Variants in MICU3 observed in about 807,000 individuals in gnomAD.
MICU3 encodes the protein mitochondrial calcium uptake 3.
A neutral mutation model predicts 66.5 loss-of-function variants in MICU3; 62 were observed. That is an observed-to-expected ratio of 0.93 (90% CI 0.76 to 1.15). MICU3 has a LOEUF of 1.15. MICU3 is among the 50% of genes most tolerant of loss of function. The probability of loss-of-function intolerance (pLI) is 0.00; values close to 1 mark genes in which losing one functional copy is unlikely to be tolerated. For missense variants in MICU3, 779 were observed against 664.4 expected (o/e 1.17, Z -1.90); for synonymous variants, 308 against 240.7 (o/e 1.28, Z -2.59).
chr8:17,105,411 A>C lies in MICU3; in HGVS notation c.1086-2A>C. On this transcript the variant is annotated splice_acceptor_variant, in intron 10 of 14. Transcript: ENST00000318063. LOFTEE classifies it high-confidence loss of function. ...TCCTTCTTTATTACATTTTTGTCAT[A>C]GATTCATGGATAATCTCCAAACAGA... 6.6e-7 allele frequency: 1 copy of C among 1,510,054 alleles called. No individual in the cohort carries two copies. Among genetic ancestry groups the C allele is most frequent in the Non-Finnish European group, 9.0e-7 (1 of 1,115,486 alleles). The allele number at this position is 1,510,054 out of a possible 1,614,324, so 93.5% of individuals were successfully genotyped here.
chr8:17,083,517 C>T (rs1821503225), intron 5 of MICU3, among the ~76,000 whole-genome samples: 1 of 152,048 alleles, frequency 6.6e-6, no homozygotes, highest in Non-Finnish European at 1.5e-5. Context: ...TTAGTTTGGC[C>T]TAACTAAACA....
the MICU3 span, among the ~76,000 whole-genome samples, chr8:17,129,865 T>A: frequency 6.6e-6 from 1 of 152,186 alleles, no homozygotes; most frequent in African/African-American, 2.4e-5. Context: ...AACAAAAATT[T>A]TTTTTCAGAG....
At chr8:17,071,860 A>G (rs1819631912) in intron 3 of MICU3, among the ~76,000 whole-genome samples, 2 of 152,164 alleles carry the variant, frequency 1.3e-5, no homozygotes, top group African/African-American at 2.4e-5. Flanking sequence ...AATGCCTAAC[A>G]GAAGATGTAC....
In MICU3 at chr8:17,122,195, A is replaced by T. The variant is rs981786875; in HGVS notation, c.*1908A>T. ...ATGAAAACATTTGTAAGGCTGCAACATAATATTAAAATGTGAATAAATAAA... is the reference window on the plus strand; with the variant it reads ...ATGAAAACATTTGTAAGGCTGCAACTTAATATTAAAATGTGAATAAATAAA... On this transcript the variant is annotated 3_prime_UTR_variant, in exon 15 of 15. Transcript: ENST00000318063. 6.6e-6 allele frequency: 1 copy of T among 151,890 alleles called. No homozygotes were observed. The highest frequency in any genetic ancestry group is 2.4e-5 in the African/African-American group (1 of 41,450). The allele number at this position is 151,890 out of a possible 1,614,324, so 9.4% of individuals were successfully genotyped here.
At chr8:17,031,280 A>ATTG (rs1812011607) in intron 1 of MICU3, among the ~76,000 whole-genome samples, 1 of 147,238 alleles carries the variant, frequency 6.8e-6, no homozygotes, top group Admixed American at 6.8e-5. Flanking sequence ...TATTATTATT[A>ATTG]TTATTATTAT....
At position 17,104,267 on chromosome 8, in the gene MICU3, A is replaced by G. The variant is rs1801532185; in HGVS notation, c.985-124A>G. The G allele has an allele frequency of 7.2e-6, 3 of 417,888 alleles. No homozygotes were observed. The Admixed American group carries it at 1.3e-4, about 18-fold the overall frequency. 25.9% of individuals were successfully genotyped at this position (417,888 alleles called of 1,614,324 possible). A position where few individuals can be genotyped will look rare whatever the true frequency, so the allele number is the denominator to read the frequency against. The stretch of plus-strand genomic sequence containing the variant: ...TTAATATGCCTGTGTTTTTCATTCT[A>G]ATATTAATATATTTACATTCTTGAT... On this transcript the variant is annotated intron_variant, in intron 9 of 14. Coordinates refer to ENST00000318063, the MANE Select transcript of MICU3 (RefSeq NM_181723.3).
At chr8:17,112,855 G>GT (rs544785616) in intron 11 of MICU3, among the ~76,000 whole-genome samples, 1 of 152,136 alleles carries the variant, frequency 6.6e-6, no homozygotes, top group African/African-American at 2.4e-5. Flanking sequence ...GCAGTGACTA[G>GT]TTTTTTTGGC....
At chr8:17,116,411 G>A in intron 12 of MICU3, 32 bp from the exon 13 acceptor site, 1 of 1,321,222 alleles carries the variant, frequency 7.6e-7, no homozygotes, top group Non-Finnish European at 1.0e-6. Flanking sequence ...AATAATAACA[G>A]TCTATTCTTT....
chr8:17,034,763 A>G (rs988893615), intron 1 of MICU3, among the ~76,000 whole-genome samples: 4 of 152,270 alleles, frequency 2.6e-5, no homozygotes, highest in African/African-American at 7.2e-5. Flanking sequence ...TAAAACTTTA[A>G]CAGACGAGGA....
At chr8:17,079,211 C>G (rs1820819394) in intron 4 of MICU3, among the ~76,000 whole-genome samples, 1 of 123,240 alleles carries the variant, frequency 8.1e-6, no homozygotes, top group East Asian at 2.4e-4. Flanking sequence ...TACTCTGTTT[C>G]TATGCTGTCT....
At chr8:17,110,101 T>C (rs1802062703) in intron 11 of MICU3, among the ~76,000 whole-genome samples, 2 of 152,300 alleles carry the variant, frequency 1.3e-5, no homozygotes, top group South Asian at 4.1e-4. Context: ...ATGAATTTTG[T>C]GCTGAAAACA....
chr8:17,052,883 C>G (rs1215874148), intron 1 of MICU3, among the ~76,000 whole-genome samples: 1 of 152,074 alleles, frequency 6.6e-6, no homozygotes, highest in Non-Finnish European at 1.5e-5. Context: ...GAATCCCATG[C>G]AAGTCCATAA....
At chr8:17,125,202 A>T (rs1585600966), downstream of MICU3, among the ~76,000 whole-genome samples, 2 of 151,552 alleles carry the variant, frequency 1.3e-5, no homozygotes, top group African/African-American at 4.9e-5. Context: ...GTACCTTTTA[A>T]AGATTTCCAA....
rs1345467000 is a variant in MICU3 at position 17,064,230 on chromosome 8, G to T, written c.528G>T (p.Glu176Asp). ...YDFILAVTTD[E>D]PKVAKTWKSL... ...TTATTTTGGCTGTTACAACAGATGAGCCCAAAGGTAAGTACACTTTTGAAA... is the reference window on the plus strand; with the variant it reads ...TTATTTTGGCTGTTACAACAGATGATCCCAAAGGTAAGTACACTTTTGAAA... Residue 176 changes from glutamate to aspartate, a missense_variant, in exon 2 of 15, where the codon GAG (glutamate) becomes GAT (aspartate). Physicochemically the swap from Glu to Asp is conservative, Grantham distance 45. Transcript: ENST00000318063. 5.0e-6 allele frequency: 8 copies of T among 1,608,546 alleles called. No homozygotes were observed. Among genetic ancestry groups the T allele is most frequent in the South Asian group, 1.1e-5 (1 of 89,662 alleles).
At chr8:17,056,208 C>T (rs983704057) in intron 1 of MICU3, among the ~76,000 whole-genome samples, 2 of 152,190 alleles carry the variant, frequency 1.3e-5, no homozygotes, top group African/African-American at 4.8e-5. Context: ...TACATTTCTT[C>T]TTCCTGAATG....
chr8:17,123,561 A>G (rs1006074304), downstream of MICU3, among the ~76,000 whole-genome samples: 15 of 152,060 alleles, frequency 9.9e-5, no homozygotes, highest in Non-Finnish European at 2.1e-4. Context: ...AGTATTGAGC[A>G]TGGGGGGCAA....
intron 9 of MICU3, chr8:17,102,561 A>G (rs1031630299): frequency 1.3e-5 from 2 of 151,944 alleles, no homozygotes; most frequent in African/African-American, 2.4e-5. Context: ...ATTTTGTTCT[A>G]TTAGAGCAGG....
chr8:17,103,930 C>CT (rs1203432407), intron 9 of MICU3, among the ~76,000 whole-genome samples: 2 of 151,668 alleles, frequency 1.3e-5, no homozygotes, highest in Non-Finnish European at 3.0e-5. Context: ...AGCTTGGGAC[C>CT]TTTCTTTTGT....
intron 9 of MICU3, among the ~76,000 whole-genome samples, chr8:17,103,066 G>A (rs1801408188): frequency 6.6e-6 from 1 of 151,952 alleles, no homozygotes; most frequent in African/African-American, 2.4e-5. Context: ...TTTAAGACAT[G>A]TGAATAATTA....
Sources: gnomAD v4.1 joint callset for allele counts (sites outside exome capture counted in the v4.1 genomes callset) on GRCh38, gnomAD v4.1.1 for gene constraint, MANE v1.5 for transcripts, NCBI Gene and HGNC (gene_info 2026-07-23, HGNC 2026-07-21) for gene names.